Variants in ADAMTSL1 observed in about 807,000 individuals in gnomAD.
ADAMTSL1 encodes ADAMTS like 1, also known as ADAMTS-like protein 1.
Under a neutral mutation model 201.8 loss-of-function variants are expected in ADAMTSL1, and 126 were observed. The observed-to-expected ratio is 0.62, with a 90% CI of 0.54 to 0.72. The LOEUF is 0.72. Ranked by LOEUF, ADAMTSL1 falls within the 30% of genes least tolerant of loss-of-function variation. ADAMTSL1 has a pLI of 0.00. For missense variants in ADAMTSL1, 2,679 were observed against 2,277.8 expected, an observed-to-expected ratio of 1.18 and a Z score of -3.59; for synonymous variants, 1,121 against 903.4, an observed-to-expected ratio of 1.24 and a Z score of -4.32.
chr9:18,646,804 A>G (rs1442134536), intron 7 of ADAMTSL1, among the ~76,000 whole-genome samples: 2 of 152,086 alleles, frequency 1.3e-5, no homozygotes, highest in African/African-American at 2.4e-5. Flanking sequence ...TATTTTATTG[A>G]GGATTTTTGC....
chr9:17,943,770 A>C (rs1431587163), intron 1 of ADAMTSL1, among the ~76,000 whole-genome samples: 2 of 152,050 alleles, frequency 1.3e-5, no homozygotes, highest in African/African-American at 4.8e-5. Flanking sequence ...AATACCTGAG[A>C]CTGGGTAATT....
chr9:18,185,855 T>A (rs530571322), intron 2 of ADAMTSL1, among the ~76,000 whole-genome samples: 1 of 8,574 alleles, frequency 1.2e-4, no homozygotes, highest in African/African-American at 1.3e-4. Flanking sequence ...TGTAATACAA[T>A]TGGGAAAAAA....
intron 1 of ADAMTSL1, among the ~76,000 whole-genome samples, chr9:18,129,878 A>C (rs1825878059): frequency 6.6e-6 from 1 of 152,186 alleles, no homozygotes; most frequent in African/African-American, 2.4e-5. Flanking sequence ...CCAGGGAAAC[A>C]GGGAAGCAGG....
chr9:18,004,496 A>T (rs1164012940), intron 1 of ADAMTSL1, among the ~76,000 whole-genome samples: 1 of 152,078 alleles, frequency 6.6e-6, no homozygotes, highest in African/African-American at 2.4e-5. Context: ...GACCTGCCAC[A>T]TGCCAAGGGG....
intron 2 of ADAMTSL1, among the ~76,000 whole-genome samples, chr9:18,385,535 A>G (rs1163060890): frequency 6.6e-6 from 1 of 152,188 alleles, no homozygotes; most frequent in Non-Finnish European, 1.5e-5. Context: ...ATTTACATTT[A>G]ATTTGAAGAC....
chr9:18,598,700 C>T (rs1350672371), intron 4 of ADAMTSL1, among the ~76,000 whole-genome samples: 1 of 152,110 alleles, frequency 6.6e-6, no homozygotes, highest in African/African-American at 2.4e-5. Flanking sequence ...GTAGAAATGC[C>T]GAGTGCAAAC....
intron 1 of ADAMTSL1, among the ~76,000 whole-genome samples, chr9:17,940,712 C>CAAAAAAAAAAA (rs60466124): frequency 2.5e-4 from 22 of 88,624 alleles, no homozygotes; most frequent in African/African-American, 5.3e-4. Context: ...GCATAACGTG[C>CAAAAAAAAAAA]AAAAAAAAAA....
In ADAMTSL1 at chr9:18,101,917, T is replaced by G. The variant is rs73420866; in HGVS notation, c.88-61945T>G. 4.5e-3 allele frequency among the ~76,000 whole-genome samples: 692 copies of G among 152,268 alleles called. 5 individuals are homozygous for G. Among genetic ancestry groups the G allele is most frequent in the African/African-American group, 0.016 (652 of 41,538 alleles). ...TCTTGGTGAGAAGGTTGGTTCTGTG[T>G]ATAGGTGTAAGTAGTGGTGACAGGG... is the stretch of plus-strand genomic sequence containing the variant. On this transcript the variant is annotated intron_variant, in intron 1 of 29. Transcript: ENST00000680146.
chr9:18,587,549 AT>A (rs1431352949), intron 4 of ADAMTSL1, among the ~76,000 whole-genome samples: 1 of 152,038 alleles, frequency 6.6e-6, no homozygotes, highest in Non-Finnish European at 1.5e-5. Context: ...TGTCACTATA[AT>A]TTTCCCCACT....
intron 2 of ADAMTSL1, among the ~76,000 whole-genome samples, chr9:18,412,629 G>A (rs544561223): frequency 2.0e-5 from 3 of 152,148 alleles, no homozygotes; most frequent in East Asian, 1.9e-4. Flanking sequence ...GTGGTTTTGC[G>A]TTTTTGCTAC....
intron 2 of ADAMTSL1, among the ~76,000 whole-genome samples, chr9:18,310,020 A>G (rs1228993025): frequency 2.0e-5 from 3 of 152,150 alleles, no homozygotes; most frequent in Admixed American, 2.0e-4. Context: ...CAGAGGCCTC[A>G]GAAATACTGC....
At chr9:18,011,330 A>G (rs1012747718) in intron 1 of ADAMTSL1, among the ~76,000 whole-genome samples, 3 of 152,090 alleles carry the variant, frequency 2.0e-5, no homozygotes, top group African/African-American at 7.2e-5. Flanking sequence ...TACCAGAAAA[A>G]TGTTCAACTT....
At chr9:17,909,461 C>A (rs953226986) in intron 1 of ADAMTSL1, among the ~76,000 whole-genome samples, 2 of 126,124 alleles carry the variant, frequency 1.6e-5, no homozygotes, top group African/African-American at 5.2e-5. Context: ...TTAGGTCTAA[C>A]GTTTAAGTCT....
At chr9:18,293,720 G>A (rs926787041) in intron 2 of ADAMTSL1, among the ~76,000 whole-genome samples, 2 of 152,134 alleles carry the variant, frequency 1.3e-5, no homozygotes, top group African/African-American at 2.4e-5. Context: ...TCCCATATAG[G>A]AAGGAAAATA....
intron 23 of ADAMTSL1, among the ~76,000 whole-genome samples, chr9:18,844,918 C>T (rs1825995063): frequency 6.6e-6 from 1 of 152,134 alleles, no homozygotes; most frequent in Admixed American, 6.5e-5. Context: ...TGGGAGTGAC[C>T]CGATTTTCCA....
intron 11 of ADAMTSL1, chr9:18,680,899 T>C (rs1304513316): frequency 4.4e-6 from 1 of 229,544 alleles, no homozygotes; most frequent in Admixed American, 5.2e-5. Flanking sequence ...TTATGCTTTG[T>C]ATCCGAAAGG....
intron 7 of ADAMTSL1, among the ~76,000 whole-genome samples, chr9:18,641,796 A>G (rs191172878): frequency 6.6e-6 from 1 of 152,042 alleles, no homozygotes; most frequent in East Asian, 1.9e-4. Flanking sequence ...AGATATTACT[A>G]TTATTTATCA....
chr9:18,133,275 G>A (rs1196234653), intron 1 of ADAMTSL1, among the ~76,000 whole-genome samples: 2 of 152,104 alleles, frequency 1.3e-5, no homozygotes, highest in Non-Finnish European at 2.9e-5. Flanking sequence ...TGATGCAGCA[G>A]GGTAGTAAGA....
rs1830526635 is a variant in ADAMTSL1 at position 18,910,240 on chromosome 9, C to T, written c.*1692C>T. On this transcript the variant is annotated 3_prime_UTR_variant, in exon 29 of 29. Transcript: ENST00000380548. The stretch of plus-strand genomic sequence containing the variant: ...ACCACAAAAACAGGCTCTAAGAAAT[C>T]ATGTTACTAAAAAATCAGTGTAAAG... 1 of 152,082 alleles carries T rather than the reference C, an allele frequency of 6.6e-6. No homozygotes were observed. Among genetic ancestry groups the T allele is most frequent in the Non-Finnish European group, 1.5e-5 (1 of 68,014 alleles). The allele number at this position is 152,082 out of a possible 1,614,324, so 9.4% of individuals were successfully genotyped here.
Sources: gnomAD v4.1 joint callset for allele counts (sites outside exome capture counted in the v4.1 genomes callset) on GRCh38, gnomAD v4.1.1 for gene constraint, MANE v1.5 for transcripts, NCBI Gene and HGNC (gene_info 2026-07-23, HGNC 2026-07-21) for gene names.